Variants in WDR7 observed in about 807,000 individuals in gnomAD.
WDR7 encodes WD repeat-containing protein 7.
Under a neutral mutation model 169.4 loss-of-function variants are expected in WDR7, and 46 were observed. The observed-to-expected ratio is 0.27, with a 90% CI of 0.21 to 0.35. The LOEUF (loss-of-function observed/expected upper bound fraction) is 0.35, where lower values mean the gene tolerates loss of function less well. Among genes scored for constraint, WDR7 ranks in the 10% least tolerant of loss-of-function variants. The pLI, the probability that WDR7 is intolerant of heterozygous loss-of-function variation, is 1.00. For missense variants in WDR7, 1,534 were observed against 1,859.3 expected, an observed-to-expected ratio of 0.83 and a Z score of 3.22; for synonymous variants, 612 against 666.8, an observed-to-expected ratio of 0.92 and a Z score of 1.27.
At chr18:56,791,729 A>G (rs2044487891) in intron 19 of WDR7, among the ~76,000 whole-genome samples, 1 of 152,234 alleles carries the variant, frequency 6.6e-6, no homozygotes, top group Non-Finnish European at 1.5e-5. Flanking sequence ...AGGTGTGATC[A>G]GGATTCTGAG....
chr18:56,665,346 C>T (rs1391682178), intron 1 of WDR7, among the ~76,000 whole-genome samples: 1 of 149,660 alleles, frequency 6.7e-6, no homozygotes, highest in Non-Finnish European at 1.5e-5. Flanking sequence ...GTATCTAGGC[C>T]ACTTTATTTA....
intron 21 of WDR7, among the ~76,000 whole-genome samples, chr18:56,895,448 A>G (rs2046320048): frequency 6.7e-6 from 1 of 150,140 alleles, no homozygotes; most frequent in Admixed American, 6.7e-5. Context: ...GCATTAGGGG[A>G]TAGGAAAAAT....
At chr18:56,940,336 A>G (rs1311638835) in intron 25 of WDR7, among the ~76,000 whole-genome samples, 1 of 152,138 alleles carries the variant, frequency 6.6e-6, no homozygotes, top group Non-Finnish European at 1.5e-5. Flanking sequence ...ACGTGATTGT[A>G]CTCTATGAGC....
intron 12 of WDR7, among the ~76,000 whole-genome samples, chr18:56,711,583 C>G (rs578049468): frequency 6.6e-6 from 1 of 151,980 alleles, no homozygotes; most frequent in Non-Finnish European, 1.5e-5. Flanking sequence ...GACATTAAAA[C>G]TAGTCCTTAA....
At chr18:56,948,820 T>G (rs1210911221) in intron 25 of WDR7, among the ~76,000 whole-genome samples, 1 of 152,150 alleles carries the variant, frequency 6.6e-6, no homozygotes, top group Non-Finnish European at 1.5e-5. Flanking sequence ...TACACAGGCT[T>G]ACACGTGTCA....
Position 56,906,524 on chromosome 18 carries a change from TTTTC to T in WDR7, c.3527-17385_3527-17382del, listed in dbSNP as rs1179423251. ...CAAGGCTTATATGCTTCTTTTTTCT[TTTTC>T]TTTCTTTCTTTCCTTCTTTTTTTTT... On this transcript the variant is annotated intron_variant, in intron 21 of 27. Transcript: ENST00000254442. Among the ~76,000 whole-genome samples, 12 of 148,644 alleles carry T rather than the reference TTTTC, an allele frequency of 8.1e-5. No homozygotes were observed. The South Asian group carries it at 1.1e-3, about 13-fold the overall frequency.
Position 56,816,053 on chromosome 18 carries a change from G to T in WDR7, c.3213G>T (p.Ala1071=). The change falls in exon 20 of 28, where the codon GCG becomes GCT. Residue 1071 remains alanine (A), a synonymous_variant. Transcript: ENST00000254442. ...TAGCTGGAGTCACATCAGAAGCCGC[G>T]CAGACTATCACCACGGCTCCTGATG... ...VISPGVTSEA[A]QTITTAPDAS... 6.2e-7 allele frequency: 1 copy of T among 1,612,098 alleles called. No homozygotes were observed. The highest frequency in any genetic ancestry group is 1.3e-5 in the African/African-American group (1 of 74,880).
intron 12 of WDR7, among the ~76,000 whole-genome samples, chr18:56,705,086 G>T (rs901817740): frequency 2.6e-5 from 4 of 152,032 alleles, no homozygotes; most frequent in African/African-American, 9.7e-5. Context: ...TCCTATCTTG[G>T]CGTCTTAAAG....
intron 16 of WDR7, among the ~76,000 whole-genome samples, chr18:56,764,938 A>G (rs888382096): frequency 6.6e-6 from 1 of 152,184 alleles, no homozygotes; most frequent in Non-Finnish European, 1.5e-5. Context: ...TATTAGGTGC[A>G]TAAACCTTTG....
Position 56,943,991 on chromosome 18 carries a change from T to G in WDR7, c.4064+4598T>G, listed in dbSNP as rs1312445638. 9.7e-5 allele frequency among the ~76,000 whole-genome samples: 13 copies of G among 134,184 alleles called. No homozygotes were observed. In the East Asian group the frequency reaches 1.9e-3, roughly 19 times the overall value. 88.0% of individuals were successfully genotyped at this position (134,184 alleles called of 152,430 possible). A position where few individuals can be genotyped will look rare whatever the true frequency, so the allele number is the denominator to read the frequency against. The stretch of plus-strand genomic sequence containing the variant: ...TTTGTATGTTTTGTGGGTTTTTTTT[T>G]TTTTTTTTTTTTTTTTGAGATGGAG... On this transcript the variant is annotated intron_variant, in intron 25 of 27. Transcript: ENST00000254442.
In WDR7 at chr18:56,869,367, G is replaced by T. The variant is rs531216449; in HGVS notation, c.3305-10577G>T. 5.3e-5 allele frequency among the ~76,000 whole-genome samples: 8 copies of T among 152,230 alleles called. No individual in the cohort carries two copies. The East Asian group carries it at 1.3e-3, about 26-fold the overall frequency. On this transcript the variant is annotated intron_variant, in intron 20 of 27. Transcript: ENST00000254442. Reference sequence around the variant, plus strand: ...CAGAACCTATTGTGTTCCAGCAGGGGGCTATCGTGCATACATACAAATTAA... The same window carrying T: ...CAGAACCTATTGTGTTCCAGCAGGGTGCTATCGTGCATACATACAAATTAA...
intron 21 of WDR7, among the ~76,000 whole-genome samples, chr18:56,920,757 C>G (rs1198696035): frequency 3.9e-5 from 6 of 152,104 alleles, no homozygotes; most frequent in African/African-American, 1.4e-4. Context: ...AAGTATACAA[C>G]TTTTATTCAA....
intron 26 of WDR7, among the ~76,000 whole-genome samples, chr18:56,986,074 T>G (rs1240158447): frequency 6.6e-6 from 1 of 151,832 alleles, no homozygotes; most frequent in Non-Finnish European, 1.5e-5. Flanking sequence ...TTAACAAACC[T>G]ACTTTAAATA....
chr18:56,735,642 C>T (rs1379170428), intron 14 of WDR7, among the ~76,000 whole-genome samples: 1 of 152,022 alleles, frequency 6.6e-6, no homozygotes, highest in Non-Finnish European at 1.5e-5. Context: ...CCCCAATTAG[C>T]AACTGATGCA....
chr18:56,706,578 T>C (rs896310332), intron 12 of WDR7, among the ~76,000 whole-genome samples: 3 of 152,230 alleles, frequency 2.0e-5, no homozygotes, highest in African/African-American at 7.2e-5. Context: ...GTTGCTATTA[T>C]TTCTATTTTC....
At chr18:56,932,341 A>G (rs922443578) in intron 22 of WDR7, among the ~76,000 whole-genome samples, 2 of 152,150 alleles carry the variant, frequency 1.3e-5, no homozygotes, top group Non-Finnish European at 2.9e-5. Context: ...CAATAGGTTC[A>G]CATGTCTTTG....
chr18:56,814,066 A>G (rs2044922995), intron 19 of WDR7, among the ~76,000 whole-genome samples: 1 of 152,140 alleles, frequency 6.6e-6, no homozygotes. Flanking sequence ...CTTGGTGGTA[A>G]ATTGATATTG....
chr18:57,032,820 T>C (rs1191402115), downstream of WDR7: 3 of 85,898 alleles, frequency 3.5e-5, no homozygotes, highest in African/African-American at 2.7e-4. Context: ...TATATATATA[T>C]ATATATATAT....
intron 21 of WDR7, among the ~76,000 whole-genome samples, chr18:56,914,070 T>C (rs1205769614): frequency 6.6e-6 from 1 of 152,140 alleles, no homozygotes; most frequent in African/African-American, 2.4e-5. Context: ...GCATGATCCA[T>C]CCCGCAGCTA....
Sources: allele counts gnomAD v4.1 joint callset (sites outside exome capture counted in the v4.1 genomes callset), GRCh38; gene constraint gnomAD v4.1.1; transcripts MANE v1.5; gene names NCBI Gene and HGNC (gene_info 2026-07-23, HGNC 2026-07-21).